DCLRE1C: variants seen among roughly 807,000 people sequenced by gnomAD.
The protein encoded by DCLRE1C is DNA cross-link repair 1C.
A neutral mutation model predicts 61.4 loss-of-function variants in DCLRE1C; 47 were observed. The ratio of observed to expected loss-of-function variants is 0.77; its 90% CI spans 0.61 to 0.98. The LOEUF (loss-of-function observed/expected upper bound fraction) is 0.98, where lower values mean the gene tolerates loss of function less well. Among genes scored for constraint, DCLRE1C ranks in the 50% least tolerant of loss-of-function variants. DCLRE1C has a pLI of 0.00. For missense variants in DCLRE1C, 858 were observed against 816.0 expected, an observed-to-expected ratio of 1.05 and a Z score of -0.63; for synonymous variants, 337 against 287.6, an observed-to-expected ratio of 1.17 and a Z score of -1.74.
intron 13 of DCLRE1C, among the ~76,000 whole-genome samples, chr10:14,910,760 T>G (rs1433833119): frequency 1.4e-5 from 2 of 144,806 alleles, no homozygotes; most frequent in African/African-American, 5.5e-5. Context: ...GGACTTTTGC[T>G]TCCAGGTAAG....
downstream of DCLRE1C, among the ~76,000 whole-genome samples, chr10:14,900,434 T>A (rs772972165): frequency 2.0e-5 from 3 of 152,214 alleles, no homozygotes; most frequent in African/African-American, 4.8e-5. Context: ...AAACTTCTGA[T>A]GGATTTCATA....
At chr10:14,948,259 G>A (rs1226700850) in intron 2 of DCLRE1C, among the ~76,000 whole-genome samples, 1 of 151,924 alleles carries the variant, frequency 6.6e-6, no homozygotes, top group African/African-American at 2.4e-5. Flanking sequence ...CCAAGATACA[G>A]TAAGTATTCA....
intron 3 of DCLRE1C, among the ~76,000 whole-genome samples, chr10:14,944,673 C>CTTT (rs1165126470): frequency 2.5e-5 from 3 of 117,714 alleles, no homozygotes; most frequent in Non-Finnish European, 1.8e-5. Flanking sequence ...TTTTTTTTTT[C>CTTT]TTTTTTTTTT....
intron 12 of DCLRE1C, among the ~76,000 whole-genome samples, chr10:14,920,968 G>T (rs1297552400): frequency 1.3e-5 from 2 of 151,064 alleles, no homozygotes; most frequent in Non-Finnish European, 2.9e-5. Flanking sequence ...GGGTGACAGA[G>T]CCAGACTCTG....
chr10:14,902,067 G>A (rs1418917571), downstream of DCLRE1C, among the ~76,000 whole-genome samples: 2 of 151,870 alleles, frequency 1.3e-5, no homozygotes, highest in East Asian at 1.9e-4. Flanking sequence ...TTTTATATAC[G>A]GTGTGAAATG....
intron 13 of DCLRE1C, among the ~76,000 whole-genome samples, chr10:14,917,496 AAAC>A (rs1215032524): frequency 6.6e-6 from 1 of 152,156 alleles, no homozygotes; most frequent in South Asian, 2.1e-4. Context: ...TAAAAAAAAA[AAAC>A]AAAAAAAACT....
chr10:14,901,345 G>A, downstream of DCLRE1C: 1 of 1,555,976 alleles, frequency 6.4e-7, no homozygotes, highest in Non-Finnish European at 8.8e-7. Context: ...TTAGATATTT[G>A]AACCAAACCT....
chr10:14,917,348 AGATAT>A (rs918020784), intron 13 of DCLRE1C, among the ~76,000 whole-genome samples: 1 of 152,178 alleles, frequency 6.6e-6, no homozygotes, highest in Admixed American at 6.5e-5. Flanking sequence ...AAGATTTCTT[AGATAT>A]GATACAAAAA....
chr10:14,952,407 G>C (rs1842583109), intron 1 of DCLRE1C, among the ~76,000 whole-genome samples: 1 of 152,118 alleles, frequency 6.6e-6, no homozygotes, highest in African/African-American at 2.4e-5. Flanking sequence ...GGCCAACATG[G>C]TGAAACATCA....
chr10:14,909,827 T>G (rs529588546), intron 13 of DCLRE1C, among the ~76,000 whole-genome samples: 2 of 152,356 alleles, frequency 1.3e-5, no homozygotes, highest in South Asian at 4.1e-4. Flanking sequence ...GAGCATCTTA[T>G]TGACATGTTT....
At chr10:14,953,811 G>C in intron 1 of DCLRE1C, 91 bp downstream of exon 1, 1 of 1,571,840 alleles carries the variant, frequency 6.4e-7, no homozygotes, top group Non-Finnish European at 8.6e-7. Flanking sequence ...CTTCCCACAG[G>C]CTGCAGCTCC....
At chr10:14,901,360 C>A (rs1353855244), downstream of DCLRE1C, 2 of 1,496,102 alleles carry the variant, frequency 1.3e-6, no homozygotes, top group East Asian at 4.6e-5. Context: ...AAACCTAATA[C>A]TAAAGATGAA....
chr10:14,931,678 A>G (rs1839018811), intron 9 of DCLRE1C, among the ~76,000 whole-genome samples: 1 of 152,228 alleles, frequency 6.6e-6, no homozygotes. Flanking sequence ...AGTGTGAAAA[A>G]AAGTTATGTC....
intron 3 of DCLRE1C, among the ~76,000 whole-genome samples, chr10:14,940,492 T>C (rs1840697011): frequency 6.6e-6 from 1 of 152,010 alleles, no homozygotes; most frequent in South Asian, 2.1e-4. Context: ...GGTTTTGACA[T>C]GTTGGCCAGG....
intron 12 of DCLRE1C, among the ~76,000 whole-genome samples, chr10:14,920,674 A>G (rs1480505857): frequency 6.6e-6 from 1 of 152,136 alleles, no homozygotes; most frequent in Non-Finnish European, 1.5e-5. Flanking sequence ...CTACAACAGA[A>G]TTGTCTGCTA....
rs943869016 is a variant in DCLRE1C at position 14,952,785 on chromosome 10, A to G, written c.109+1117T>C. ...TACGGCAACGCACGAGAAGAGGTCC[A>G]GATTTTCCCATTAAAGAGAAATCAC... On this transcript the variant is annotated intron_variant, in intron 1 of 13. Coordinates refer to ENST00000378278, the MANE Select transcript of DCLRE1C (RefSeq NM_001033855.3). Among the ~76,000 whole-genome samples, 3 of 152,204 alleles carry G rather than the reference A, an allele frequency of 2.0e-5. No individual in the cohort carries two copies. The East Asian group carries it at 5.8e-4, about 29-fold the overall frequency.
At chr10:14,913,412 TAAA>T (rs1412886226) in intron 13 of DCLRE1C, among the ~76,000 whole-genome samples, 4 of 152,216 alleles carry the variant, frequency 2.6e-5, no homozygotes, top group Admixed American at 6.5e-5. Flanking sequence ...CAATAAAGCT[TAAA>T]AAATAATTTT....
At chr10:14,954,178 C>T (rs540178735), upstream of DCLRE1C, 3,582 of 1,212,862 alleles carry the variant, frequency 3.0e-3, 17 homozygotes, top group Non-Finnish European at 3.2e-3. Flanking sequence ...AGTCAAGGAG[C>T]ATCCGGTCGG....
downstream of DCLRE1C, chr10:14,901,016 A>G: frequency 5.1e-6 from 7 of 1,376,424 alleles, no homozygotes; most frequent in South Asian, 1.0e-4. Flanking sequence ...GCAATAAGCA[A>G]CTTAATTTCC....
Sources: gnomAD v4.1 joint callset for allele counts (sites outside exome capture counted in the v4.1 genomes callset) on GRCh38, gnomAD v4.1.1 for gene constraint, MANE v1.5 for transcripts, NCBI Gene and HGNC (gene_info 2026-07-23, HGNC 2026-07-21) for gene names.